Variants in TMED3 observed in about 807,000 individuals in gnomAD.
TMED3 encodes transmembrane emp24 domain-containing protein 3.
A neutral mutation model predicts 15.0 loss-of-function variants in TMED3; 9 were observed. The observed-to-expected ratio is 0.60, with a 90% CI of 0.36 to 1.04. The LOEUF (loss-of-function observed/expected upper bound fraction) is 1.04, where lower values mean the gene tolerates loss of function less well. TMED3 is among the 50% of genes least tolerant of loss of function. TMED3 has a pLI of 0.01. For missense variants in TMED3, 267 were observed against 278.9 expected (o/e 0.96, Z 0.30); for synonymous variants, 117 against 121.4 (o/e 0.96, Z 0.24).
chr15:79,323,697 G>A (rs1463768561), downstream of TMED3, among the ~76,000 whole-genome samples: 2 of 152,166 alleles, frequency 1.3e-5, no homozygotes, highest in Non-Finnish European at 2.9e-5. Context: ...TGAGAAAGGA[G>A]TTTAAAGAAT....
chr15:79,380,422 A>G (rs752229121), intron 2 of TMED3, among the ~76,000 whole-genome samples: 4 of 142,106 alleles, frequency 2.8e-5, no homozygotes, highest in East Asian at 3.9e-4. Flanking sequence ...ATAGTTATAT[A>G]TAGTTATATA....
intron 2 of TMED3, among the ~76,000 whole-genome samples, chr15:79,360,600 C>T (rs957858861): frequency 2.0e-5 from 3 of 152,192 alleles, no homozygotes; most frequent in Non-Finnish European, 4.4e-5. Flanking sequence ...AAACAGACAT[C>T]TTTACATATC....
At chr15:79,344,999 A>C (rs2058864561) in intron 2 of TMED3, among the ~76,000 whole-genome samples, 1 of 152,226 alleles carries the variant, frequency 6.6e-6, no homozygotes. Flanking sequence ...ATGCTCACAG[A>C]AAGAGAGAAA....
chr15:79,362,078 C>T (rs1567032830), intron 2 of TMED3, among the ~76,000 whole-genome samples: 1 of 151,940 alleles, frequency 6.6e-6, no homozygotes, highest in Non-Finnish European at 1.5e-5. Flanking sequence ...ATGTTGTAAA[C>T]CAGTCAGTTT....
intron 2 of TMED3, among the ~76,000 whole-genome samples, chr15:79,399,404 G>A (rs186958083): frequency 2.3e-4 from 35 of 152,292 alleles, no homozygotes; most frequent in Admixed American, 2.2e-3. Flanking sequence ...ATCCTGGGAC[G>A]AGTTGATCAT....
intron 2 of TMED3, among the ~76,000 whole-genome samples, chr15:79,405,425 A>C (rs1893890405): frequency 6.6e-6 from 1 of 152,172 alleles, no homozygotes; most frequent in African/African-American, 2.4e-5. Flanking sequence ...ATCCTCTCTC[A>C]CTCGTGTCCT....
chr15:79,361,962 A>T (rs900071338), intron 2 of TMED3, among the ~76,000 whole-genome samples: 2 of 152,164 alleles, frequency 1.3e-5, no homozygotes, highest in Admixed American at 1.3e-4. Flanking sequence ...ATAAAATATC[A>T]CAGGAATTCC....
chr15:79,386,061 A>C (rs1481967680), intron 2 of TMED3, among the ~76,000 whole-genome samples: 2 of 152,208 alleles, frequency 1.3e-5, no homozygotes, highest in Non-Finnish European at 2.9e-5. Context: ...AATCAGAGAA[A>C]GTAGACAGAG....
chr15:79,342,311 A>G (rs2058854563), intron 2 of TMED3, among the ~76,000 whole-genome samples: 3 of 152,302 alleles, frequency 2.0e-5, no homozygotes, highest in South Asian at 2.1e-4. Flanking sequence ...AAGAAACACA[A>G]TTAAGACCAA....
chr15:79,360,237 T>C (rs1893098181), intron 2 of TMED3, among the ~76,000 whole-genome samples: 1 of 151,622 alleles, frequency 6.6e-6, no homozygotes, highest in Non-Finnish European at 1.5e-5. Context: ...CACACAACTG[T>C]TGAGGGTTGA....
chr15:79,354,254 G>A (rs1234355121), intron 2 of TMED3, among the ~76,000 whole-genome samples: 3 of 152,064 alleles, frequency 2.0e-5, no homozygotes, highest in Non-Finnish European at 4.4e-5. Context: ...TTCTCTGTGG[G>A]GTGAGGAGGG....
At chr15:79,403,188 G>T (rs28536531) in intron 2 of TMED3, among the ~76,000 whole-genome samples, 22 of 136,942 alleles carry the variant, frequency 1.6e-4, no homozygotes, top group Non-Finnish European at 2.7e-4. Flanking sequence ...ACATCACTGC[G>T]CTCCAGCCTG....
Position 79,403,220 on chromosome 15 carries a change from CAAAAAAAAA to C in TMED3, c.418-8159_418-8151del, listed in dbSNP as rs71150908. 3.7e-4 allele frequency among the ~76,000 whole-genome samples: 24 copies of C among 65,420 alleles called. 1 individual carries two copies. Among genetic ancestry groups the C allele is most frequent in the African/African-American group, 1.2e-3 (16 of 13,052 alleles). The allele number at this position is 65,420 out of a possible 152,430, so 42.9% of individuals were successfully genotyped here. On this transcript the variant is annotated intron_variant, in intron 2 of 2. Transcript: ENST00000424155. The stretch of plus-strand genomic sequence containing the variant: ...CCTGGGTGACAGCGGGACTCTGTCT[CAAAAAAAAA>C]AAAAAAAAAAAAAAAAAAAAGACTT...
chr15:79,378,734 AG>A (rs1893469994), intron 2 of TMED3, among the ~76,000 whole-genome samples: 1 of 152,250 alleles, frequency 6.6e-6, no homozygotes, highest in South Asian at 2.1e-4. Flanking sequence ...TCTTTTAATG[AG>A]ATGAATGCTT....
At chr15:79,312,038 C>A (rs1055869314) in intron 1 of TMED3, among the ~76,000 whole-genome samples, 9 of 152,196 alleles carry the variant, frequency 5.9e-5, no homozygotes, top group African/African-American at 2.2e-4. Flanking sequence ...TTCCTGTCTC[C>A]TTTGAGAGAT....
chr15:79,340,891 G>A (rs1404300978), intron 2 of TMED3, among the ~76,000 whole-genome samples: 1 of 152,074 alleles, frequency 6.6e-6, no homozygotes, highest in Non-Finnish European at 1.5e-5. Flanking sequence ...TTGAGTGAGA[G>A]GGGTCAGATA....
intron 2 of TMED3, among the ~76,000 whole-genome samples, chr15:79,408,449 G>T (rs1893930551): frequency 6.6e-6 from 1 of 152,244 alleles, no homozygotes; most frequent in Non-Finnish European, 1.5e-5. Context: ...GAGCCATAGG[G>T]CATCTGCAAG....
At chr15:79,394,648 T>A (rs370733840) in intron 2 of TMED3, among the ~76,000 whole-genome samples, 1 of 152,230 alleles carries the variant, frequency 6.6e-6, no homozygotes, top group Non-Finnish European at 1.5e-5. Context: ...CAGCTACAAA[T>A]GGAGAAGAGG....
chr15:79,400,934 G>A (rs1893825398), intron 2 of TMED3, among the ~76,000 whole-genome samples: 2 of 152,190 alleles, frequency 1.3e-5, no homozygotes, highest in South Asian at 4.1e-4. Flanking sequence ...GCTAAGGTAG[G>A]CATTACAGCA....
Sources: allele counts gnomAD v4.1 joint callset (sites outside exome capture counted in the v4.1 genomes callset), GRCh38; gene constraint gnomAD v4.1.1; transcripts MANE v1.5; gene names NCBI Gene and HGNC (gene_info 2026-07-23, HGNC 2026-07-21).